Variants in DLC1 observed in about 807,000 individuals in gnomAD.
DLC1 encodes DLC1 Rho GTPase activating protein, also known as rho GTPase-activating protein 7.
A neutral mutation model predicts 140.3 loss-of-function variants in DLC1; 54 were observed. The observed-to-expected ratio is 0.38, with a 90% CI of 0.31 to 0.48. The LOEUF (loss-of-function observed/expected upper bound fraction) is 0.48. Among genes scored for constraint, DLC1 ranks in the 20% least tolerant of loss-of-function variants. The pLI is 0.96. For synonymous variants in DLC1, 986 were observed against 728.1 expected, an observed-to-expected ratio of 1.35 and a Z score of -5.70; for missense variants, 2,536 against 1,907.0, an observed-to-expected ratio of 1.33 and a Z score of -6.14.
chr8:13,308,513 A>T (rs1041946505), intron 4 of DLC1, among the ~76,000 whole-genome samples: 3 of 152,156 alleles, frequency 2.0e-5, no homozygotes, highest in African/African-American at 7.2e-5. Context: ...AATTTCTGAA[A>T]TTTTCCAGAG....
At chr8:13,104,635 A>G (rs1443627669) in intron 7 of DLC1, among the ~76,000 whole-genome samples, 1 of 152,180 alleles carries the variant, frequency 6.6e-6, no homozygotes, top group Non-Finnish European at 1.5e-5. Flanking sequence ...ATTCCTGGGA[A>G]CCGTGAGACC....
intron 5 of DLC1, among the ~76,000 whole-genome samples, chr8:13,297,006 A>G (rs1007068409): frequency 5.9e-5 from 9 of 152,082 alleles, no homozygotes; most frequent in African/African-American, 1.9e-4. Context: ...TAGCAAAAAT[A>G]CCAACAGAAA....
At chr8:13,338,894 G>A (rs1028927989) in intron 4 of DLC1, 19 of 152,160 alleles carry the variant, frequency 1.2e-4, no homozygotes, top group African/African-American at 4.6e-4. Flanking sequence ...CAGAAACATC[G>A]ATAATTTTAC....
At chr8:13,503,140 C>T (rs1198290862) in intron 1 of DLC1, among the ~76,000 whole-genome samples, 2 of 152,178 alleles carry the variant, frequency 1.3e-5, no homozygotes, top group South Asian at 2.1e-4. Flanking sequence ...CATGATGGCT[C>T]ACGCCTGTAA....
intron 2 of DLC1, among the ~76,000 whole-genome samples, chr8:13,409,077 A>C (rs1378639694): frequency 6.6e-6 from 1 of 151,750 alleles, no homozygotes; most frequent in Non-Finnish European, 1.5e-5. Context: ...CACTGTTGTA[A>C]CTCTCTGATT....
chr8:13,369,266 G>A (rs1180575938), intron 4 of DLC1, among the ~76,000 whole-genome samples: 1 of 149,340 alleles, frequency 6.7e-6, no homozygotes, highest in Non-Finnish European at 1.5e-5. Context: ...TGTTGAATTT[G>A]GTTGAACTTC....
intron 1 of DLC1, among the ~76,000 whole-genome samples, chr8:13,541,816 T>C (rs7845778): frequency 0.31 from 46,568 of 152,082 alleles, 7,409 homozygotes; most frequent in East Asian, 0.36. Context: ...CCCAAAGTGC[T>C]GGGATTACAG....
At chr8:13,150,019 C>G (rs1267144102) in intron 5 of DLC1, among the ~76,000 whole-genome samples, 1 of 152,196 alleles carries the variant, frequency 6.6e-6, no homozygotes, top group Non-Finnish European at 1.5e-5. Context: ...ATTACATCAG[C>G]CATTTGTCTC....
Position 13,315,302 on chromosome 8 carries a change from A to G in DLC1, c.1315-10000T>C, listed in dbSNP as rs550402856. ...AATAATAAAAAGAAACTGATCAAAA[A>G]TTTCACAAGAGGTTTTTGGAATCAG... On this transcript the variant is annotated intron_variant, in intron 4 of 17. Transcript: ENST00000276297. Among the ~76,000 whole-genome samples the G allele has an allele frequency of 3.3e-5, 5 of 152,360 alleles. No individual in the cohort carries two copies. The East Asian group carries it at 9.6e-4, about 29-fold the overall frequency.
intron 4 of DLC1, among the ~76,000 whole-genome samples, chr8:13,357,949 C>T (rs1031466729): frequency 3.9e-5 from 6 of 151,940 alleles, no homozygotes; most frequent in Non-Finnish European, 7.4e-5. Flanking sequence ...TTCAAAAATG[C>T]CTGTATATAT....
intron 5 of DLC1, among the ~76,000 whole-genome samples, chr8:13,270,303 C>CA (rs1202996295): frequency 6.6e-6 from 1 of 152,154 alleles, no homozygotes; most frequent in East Asian, 1.9e-4. Flanking sequence ...GCAGACTGTG[C>CA]ATGCACACTA....
chr8:13,137,510 T>C (rs1168762753), intron 5 of DLC1, among the ~76,000 whole-genome samples: 1 of 152,076 alleles, frequency 6.6e-6, no homozygotes, highest in Non-Finnish European at 1.5e-5. Context: ...ATGGCAGATT[T>C]TTAAAACATG....
At chr8:13,212,806 C>A (rs577734901) in intron 5 of DLC1, among the ~76,000 whole-genome samples, 1 of 152,068 alleles carries the variant, frequency 6.6e-6, no homozygotes, top group African/African-American at 2.4e-5. Context: ...CATATAACAG[C>A]TTGGGAGGCA....
Position 13,413,803 on chromosome 8 carries a change from C to A in DLC1, c.1024-12184G>T, listed in dbSNP as rs542124536. Reference sequence around the variant, plus strand: ...CATGATCATAAATTTCCTGAGGCCTCCCAGCCATGCGGAACTCTGAGTCAG... The same window carrying A: ...CATGATCATAAATTTCCTGAGGCCTACCAGCCATGCGGAACTCTGAGTCAG... On this transcript the variant is annotated intron_variant, in intron 2 of 17. Transcript: ENST00000276297. Among the ~76,000 whole-genome samples the A allele has an allele frequency of 3.9e-5, 6 of 152,212 alleles. No homozygotes were observed. The East Asian group carries it at 1.2e-3, about 29-fold the overall frequency.
Position 13,401,574 on chromosome 8 carries a change from G to A in DLC1, c.1069C>T (p.Leu357=), listed in dbSNP as rs1238141177. 2 of 1,613,786 alleles carry A rather than the reference G, an allele frequency of 1.2e-6. No individual in the cohort carries two copies. Among genetic ancestry groups the A allele is most frequent in the Admixed American group, 1.7e-5 (1 of 60,020 alleles). ...AGCTGGTCCAGTTTCATAATCAGCA[G>A]CACCATGGAGTCCAGCCGCGCCCTA... ...RDRARLDSMV[L]LIMKLDQLDQ... Residue 357 remains leucine (L), a synonymous_variant, in exon 3 of 18, where the codon CTG becomes TTG. Coordinates refer to ENST00000276297, the MANE Select transcript of DLC1 (RefSeq NM_182643.3).
chr8:13,159,038 A>T (rs1824487446), intron 5 of DLC1, among the ~76,000 whole-genome samples: 1 of 152,180 alleles, frequency 6.6e-6, no homozygotes, highest in South Asian at 2.1e-4. Context: ...TTATGTAATT[A>T]GTGAAGCAGG....
At chr8:13,384,312 A>T (rs574690443) in intron 4 of DLC1, among the ~76,000 whole-genome samples, 103 of 143,592 alleles carry the variant, frequency 7.2e-4, no homozygotes, top group Non-Finnish European at 7.1e-4. Context: ...CTCCCACCCC[A>T]CAATCTTCCC....
At chr8:13,580,591 T>C (rs1237922284) in intron 1 of DLC1, among the ~76,000 whole-genome samples, 5 of 152,064 alleles carry the variant, frequency 3.3e-5, no homozygotes, top group African/African-American at 4.8e-5. Context: ...CTTGCAGAGG[T>C]GAGATGGACT....
At chr8:13,548,796 A>G (rs1803747811) in intron 1 of DLC1, among the ~76,000 whole-genome samples, 1 of 152,146 alleles carries the variant, frequency 6.6e-6, no homozygotes, top group African/African-American at 2.4e-5. Context: ...TTGGGTTGGT[A>G]TTATTGTTGA....
Sources: allele counts gnomAD v4.1 joint callset (sites outside exome capture counted in the v4.1 genomes callset), GRCh38; gene constraint gnomAD v4.1.1; transcripts MANE v1.5; gene names NCBI Gene and HGNC (gene_info 2026-07-23, HGNC 2026-07-21).